RGS22: variants seen among roughly 807,000 people sequenced by gnomAD.
RGS22 encodes the protein regulator of G protein signaling 22.
Under a neutral mutation model 172.9 loss-of-function variants are expected in RGS22, and 148 were observed. That is an observed-to-expected ratio of 0.86 (90% confidence interval 0.75 to 0.98). The LOEUF is 0.98. Ranked by LOEUF, RGS22 falls within the 50% of genes least tolerant of loss-of-function variation. The pLI, the probability that RGS22 is intolerant of heterozygous loss-of-function variation, is 0.00. For synonymous variants in RGS22, 458 were observed against 480.2 expected (o/e 0.95, Z 0.60); for missense variants, 1,347 against 1,440.8 (o/e 0.93, Z 1.05).
intron 3 of RGS22, 43 bp downstream of exon 3, chr8:100,093,404 G>A: frequency 8.6e-7 from 1 of 1,160,092 alleles, no homozygotes; most frequent in Non-Finnish European, 1.3e-6. Context: ...AAAATATTTT[G>A]CTTTGATAAT....
chr8:100,037,931 C>T (rs1217780464), intron 14 of RGS22, among the ~76,000 whole-genome samples: 1 of 152,104 alleles, frequency 6.6e-6, no homozygotes, highest in African/African-American at 2.4e-5. Context: ...GTAAAAAGTA[C>T]AAAGCTCTGT....
intron 14 of RGS22, among the ~76,000 whole-genome samples, chr8:100,010,896 G>T (rs1816308223): frequency 6.6e-6 from 1 of 150,916 alleles, no homozygotes; most frequent in Non-Finnish European, 1.5e-5. Context: ...TGCCCACCTT[G>T]ACATCCCAAA....
At chr8:100,045,554 C>A (rs1482432597) in intron 11 of RGS22, among the ~76,000 whole-genome samples, 1 of 151,814 alleles carries the variant, frequency 6.6e-6, no homozygotes, top group African/African-American at 2.4e-5. Context: ...GTAATGCATA[C>A]TATGTTGGTG....
rs147537490 is a variant in RGS22 at position 99,995,289 on chromosome 8, T to C, written c.3018+1173A>G. 3.7e-4 allele frequency among the ~76,000 whole-genome samples: 56 copies of C among 152,200 alleles called. 1 individual carries two copies. The highest frequency in any genetic ancestry group is 6.8e-3 in the Middle Eastern group (2 of 294). ...ACGGGATCTAATTAAACTAATGAGTTTCTGCACAGCAAAAGAAACTACCAT... is the reference window on the plus strand; with the variant it reads ...ACGGGATCTAATTAAACTAATGAGTCTCTGCACAGCAAAAGAAACTACCAT... On this transcript the variant is annotated intron_variant, in intron 20 of 27. Transcript: ENST00000360863.
chr8:100,015,322 T>C (rs1816828945), intron 14 of RGS22, among the ~76,000 whole-genome samples: 1 of 152,164 alleles, frequency 6.6e-6, no homozygotes, highest in African/African-American at 2.4e-5. Flanking sequence ...AGATGGAGTC[T>C]TGCTTTGTCA....
intron 3 of RGS22, among the ~76,000 whole-genome samples, chr8:100,089,217 C>T (rs1382350017): frequency 1.3e-5 from 2 of 151,646 alleles, no homozygotes; most frequent in African/African-American, 2.4e-5. Flanking sequence ...CACAAACACA[C>T]ACACACACAC....
intron 14 of RGS22, among the ~76,000 whole-genome samples, chr8:100,018,996 A>AG (rs1362834148): frequency 6.6e-6 from 1 of 151,916 alleles, no homozygotes; most frequent in Non-Finnish European, 1.5e-5. Flanking sequence ...AAGCAAAAAA[A>AG]AAAAAATGGA....
In RGS22 at chr8:100,051,711, AAATATATATT is replaced by A. The variant is rs1563670836; in HGVS notation, c.1689+1081_1689+1090del. 2.7e-3 allele frequency among the ~76,000 whole-genome samples: 43 copies of A among 15,928 alleles called. 10 individuals carry two copies. Among genetic ancestry groups the A allele is most frequent in the Admixed American group, 5.4e-3 (4 of 734 alleles). The allele number at this position is 15,928 out of a possible 152,430, so 10.4% of individuals were successfully genotyped here. ...TATATATTTATATATACGTATATAT[AAATATATATT>A]TATATATACGTATATATAAATATAT... On this transcript the variant is annotated intron_variant, in intron 10 of 27. Transcript: ENST00000360863.
At chr8:99,999,472 C>T (rs1814780959) in intron 18 of RGS22, 52 bp from the exon 19 acceptor site, 2 of 1,575,418 alleles carry the variant, frequency 1.3e-6, no homozygotes. Flanking sequence ...AAAAGAAACA[C>T]TAATAGTCAT....
At chr8:99,989,709 G>T (rs952251222) in intron 20 of RGS22, among the ~76,000 whole-genome samples, 3 of 152,114 alleles carry the variant, frequency 2.0e-5, no homozygotes, top group African/African-American at 7.2e-5. Flanking sequence ...GCCAGGTGTG[G>T]TGGTGCGTGC....
At chr8:100,091,294 C>CAAA (rs370090165) in intron 3 of RGS22, among the ~76,000 whole-genome samples, 4 of 67,328 alleles carry the variant, frequency 5.9e-5, no homozygotes, top group African/African-American at 2.6e-4. Flanking sequence ...AGAGGAACTC[C>CAAA]AAAAAAAAAA....
At chr8:100,066,031 T>C (rs1347224917) in intron 7 of RGS22, 136 bp downstream of exon 7, 10 of 643,588 alleles carry the variant, frequency 1.6e-5, no homozygotes, top group African/African-American at 3.7e-5. Context: ...TCAAAAAACA[T>C]AGGAAGTCGA....
At chr8:100,088,870 G>C (rs1416053843) in intron 3 of RGS22, among the ~76,000 whole-genome samples, 1 of 150,258 alleles carries the variant, frequency 6.7e-6, no homozygotes, top group East Asian at 2.0e-4. Context: ...GATGACCTAA[G>C]GGCCCTATAG....
At position 99,964,965 on chromosome 8, in the gene RGS22, T is replaced by C. The variant is rs183239398; in HGVS notation, c.3615+370A>G. On this transcript the variant is annotated intron_variant, in intron 24 of 27. Coordinates refer to ENST00000360863, the MANE Select transcript of RGS22 (RefSeq NM_015668.5). ...ATGACTACTTCAAAAAACTAAAAAT[T>C]TGAGACTAAGCATTTGACATTCTTC... is the stretch of plus-strand genomic sequence containing the variant. Among the ~76,000 whole-genome samples, 33 of 152,288 alleles carry C rather than the reference T, an allele frequency of 2.2e-4. No homozygotes were observed. The East Asian group carries it at 5.6e-3, about 26-fold the overall frequency.
intron 14 of RGS22, among the ~76,000 whole-genome samples, chr8:100,037,355 G>A (rs1375651447): frequency 2.6e-5 from 4 of 152,142 alleles, no homozygotes; most frequent in Non-Finnish European, 2.9e-5. Context: ...CAAAGAGCAA[G>A]TATGTCAAAA....
chr8:99,993,736 A>G (rs189749639), intron 20 of RGS22, among the ~76,000 whole-genome samples: 99 of 152,354 alleles, frequency 6.5e-4, no homozygotes, highest in Admixed American at 4.6e-3. Context: ...ATCAATAGAA[A>G]AAGAGGGAAT....
At chr8:100,078,247 A>G (rs1811501021) in intron 4 of RGS22, among the ~76,000 whole-genome samples, 1 of 151,696 alleles carries the variant, frequency 6.6e-6, no homozygotes, top group Admixed American at 6.6e-5. Context: ...TATTATTATC[A>G]TTATTTTTAG....
intron 3 of RGS22, chr8:100,080,644 G>T (rs1811684876): frequency 3.4e-6 from 1 of 290,100 alleles, no homozygotes; most frequent in African/African-American, 2.2e-5. Context: ...AAACTGGAGA[G>T]AAATATATAC....
At chr8:100,066,672 C>T (rs1002156019) in intron 6 of RGS22, among the ~76,000 whole-genome samples, 4 of 152,124 alleles carry the variant, frequency 2.6e-5, no homozygotes, top group Non-Finnish European at 4.4e-5. Flanking sequence ...CTCCCCTTTA[C>T]AACTTTCCCA....
Sources: allele counts gnomAD v4.1 joint callset (sites outside exome capture counted in the v4.1 genomes callset), GRCh38; gene constraint gnomAD v4.1.1; transcripts MANE v1.5; gene names NCBI Gene and HGNC (gene_info 2026-07-23, HGNC 2026-07-21).